TMA16: variants seen among roughly 807,000 people sequenced by gnomAD.
The protein encoded by TMA16 is translation machinery associated 16 homolog, also known as translation machinery-associated protein 16.
In TMA16, 26 loss-of-function variants were observed where a neutral mutation model predicts 27.1. The ratio of observed to expected loss-of-function variants is 0.96; its 90% CI spans 0.70 to 1.33. The LOEUF (loss-of-function observed/expected upper bound fraction) is 1.33. Among genes scored for constraint, TMA16 ranks in the 40% most tolerant of loss-of-function variants. The pLI is 0.00. For synonymous variants in TMA16, 71 were observed against 81.9 expected (o/e 0.87, Z 0.72); for missense variants, 233 against 241.4 (o/e 0.97, Z 0.23).
intron 2 of TMA16, among the ~76,000 whole-genome samples, chr4:163,508,077 C>T (rs780465380): frequency 6.6e-6 from 1 of 151,720 alleles, no homozygotes; most frequent in African/African-American, 2.4e-5. Context: ...TAAAGATTTA[C>T]TGTGATGATA....
Position 163,496,690 on chromosome 4 carries a change from T to A in TMA16, c.3+1886T>A, listed in dbSNP as rs138601139. On this transcript the variant is annotated intron_variant, in intron 1 of 6. Transcript: ENST00000358572. ...GCGGCTCATTGCAACCTCCGCCTCCTGGATTCAAGTGATTCTCCTGCCTCA... is the reference window on the plus strand; with the variant it reads ...GCGGCTCATTGCAACCTCCGCCTCCAGGATTCAAGTGATTCTCCTGCCTCA... Among the ~76,000 whole-genome samples, 214 of 152,166 alleles carry A rather than the reference T, an allele frequency of 1.4e-3. 6 individuals carry two copies. In the East Asian group the frequency reaches 0.038, roughly 27 times the overall value.
intron 1 of TMA16, among the ~76,000 whole-genome samples, chr4:163,496,393 A>T (rs1433522367): frequency 1.3e-5 from 2 of 152,204 alleles, no homozygotes; most frequent in Non-Finnish European, 2.9e-5. Flanking sequence ...TTATATAAAT[A>T]GTAACAGTGT....
chr4:163,501,705 C>G (rs758414874), intron 1 of TMA16, among the ~76,000 whole-genome samples: 60 of 152,160 alleles, frequency 3.9e-4, no homozygotes, highest in South Asian at 2.1e-4. Context: ...TTCATATTCT[C>G]TCTTTTGTTC....
intron 6 of TMA16, among the ~76,000 whole-genome samples, chr4:163,518,797 G>A (rs1426371380): frequency 6.6e-6 from 1 of 151,832 alleles, no homozygotes; most frequent in African/African-American, 2.4e-5. Flanking sequence ...ATTTTATTTT[G>A]CCTGTAATCT....
intron 6 of TMA16, among the ~76,000 whole-genome samples, chr4:163,518,109 G>A (rs992608574): frequency 1.3e-5 from 2 of 152,056 alleles, no homozygotes; most frequent in Non-Finnish European, 2.9e-5. Context: ...CACCCAGTAC[G>A]TGGTGTTTTT....
At chr4:163,507,271 A>C in intron 2 of TMA16, 126 bp downstream of exon 2, 1 of 835,172 alleles carries the variant, frequency 1.2e-6, no homozygotes, top group African/African-American at 1.7e-5. Context: ...TGTGTTCTGT[A>C]TGCAGAGGGT....
intron 1 of TMA16, among the ~76,000 whole-genome samples, chr4:163,500,162 A>G (rs1349130306): frequency 6.6e-6 from 1 of 151,826 alleles, no homozygotes; most frequent in African/African-American, 2.4e-5. Context: ...GAAATATCCT[A>G]ATTTAAATAC....
rs1465399412 is a variant in TMA16 at position 163,519,538 on chromosome 4, AAAT to A, written c.*28_*30del. 5 of 1,522,836 alleles carry A rather than the reference AAAT, an allele frequency of 3.3e-6. No homozygotes were observed. The highest frequency in any genetic ancestry group is 3.5e-6 in the Non-Finnish European group (4 of 1,143,738). 94.3% of individuals were successfully genotyped at this position (1,522,836 alleles called of 1,614,324 possible). On this transcript the variant is annotated 3_prime_UTR_variant, in exon 7 of 7. Coordinates refer to ENST00000358572, the MANE Select transcript of TMA16 (RefSeq NM_018352.3). Reference sequence around the variant, plus strand: ...AATTGTCTTCACTTGAATTGAAAATAAATAATTTGAGAGCTTCAAATTATATTC... The same window carrying A: ...AATTGTCTTCACTTGAATTGAAAATAAATTTGAGAGCTTCAAATTATATTC...
intron 1 of TMA16, among the ~76,000 whole-genome samples, chr4:163,498,812 C>T (rs1363169312): frequency 1.3e-5 from 2 of 152,142 alleles, no homozygotes; most frequent in African/African-American, 4.8e-5. Context: ...TACACAGCCT[C>T]TCCTGGCTAA....
intron 1 of TMA16, among the ~76,000 whole-genome samples, chr4:163,497,971 A>G (rs1737583280): frequency 6.6e-6 from 1 of 152,222 alleles, no homozygotes; most frequent in Non-Finnish European, 1.5e-5. Context: ...ATGTACCAGC[A>G]TATATGTATG....
chr4:163,498,286 ATTT>A (rs10608478), intron 1 of TMA16, among the ~76,000 whole-genome samples: 10 of 125,674 alleles, frequency 8.0e-5, no homozygotes, highest in Admixed American at 1.8e-4. Context: ...TGGTTAAAAG[ATTT>A]TTTTTTTTTT....
At chr4:163,513,517 T>G (rs1312510139) in intron 3 of TMA16, among the ~76,000 whole-genome samples, 1 of 152,186 alleles carries the variant, frequency 6.6e-6, no homozygotes, top group Non-Finnish European at 1.5e-5. Flanking sequence ...TGTTGGCTCT[T>G]TGGTAATATA....
chr4:163,516,858 G>A (rs138125668), intron 5 of TMA16, among the ~76,000 whole-genome samples: 8 of 151,908 alleles, frequency 5.3e-5, no homozygotes, highest in Admixed American at 3.3e-4. Context: ...CAGATTATAC[G>A]TTTGAAAACA....
intron 1 of TMA16, among the ~76,000 whole-genome samples, chr4:163,505,019 T>A (rs909388674): frequency 6.6e-6 from 1 of 152,192 alleles, no homozygotes; most frequent in African/African-American, 2.4e-5. Flanking sequence ...ACTTCTTTGA[T>A]AACCTAATCT....
chr4:163,520,081 G>T lies in TMA16; in HGVS notation c.*567G>T, dbSNP rs753140588. On this transcript the variant is annotated 3_prime_UTR_variant, in exon 7 of 7. Transcript: ENST00000358572. ...CTAAATGGTAAAAGAAAAAAAATCAGTGATGATTGTTATGTTGATCTCCCA... is the reference window on the plus strand; with the variant it reads ...CTAAATGGTAAAAGAAAAAAAATCATTGATGATTGTTATGTTGATCTCCCA... The T allele has an allele frequency of 8.2e-5, 46 of 564,054 alleles. 1 individual carries two copies. Among genetic ancestry groups the T allele is most frequent in the Middle Eastern group, 4.5e-4 (1 of 2,228 alleles). The allele number at this position is 564,054 out of a possible 1,614,324, so 34.9% of individuals were successfully genotyped here.
intron 2 of TMA16, among the ~76,000 whole-genome samples, chr4:163,511,539 G>A (rs1402918415): frequency 7.9e-5 from 12 of 152,002 alleles, no homozygotes; most frequent in Non-Finnish European, 1.3e-4. Context: ...GGCCTAGTAT[G>A]GTGGCTCATC....
intron 6 of TMA16, among the ~76,000 whole-genome samples, chr4:163,518,844 A>G (rs1014272920): frequency 3.9e-5 from 6 of 152,184 alleles, no homozygotes; most frequent in South Asian, 2.1e-4. Flanking sequence ...CTAAAACAAT[A>G]TATCTTCTAC....
chr4:163,520,288 T>C lies in TMA16; in HGVS notation c.*774T>C. 1 of 202,830 alleles carries C rather than the reference T, an allele frequency of 4.9e-6. No homozygotes were observed. The highest frequency in any genetic ancestry group is 9.8e-6 in the Non-Finnish European group (1 of 102,292). 12.6% of individuals were successfully genotyped at this position (202,830 alleles called of 1,614,324 possible). A position where few individuals can be genotyped will look rare whatever the true frequency, so the allele number is the denominator to read the frequency against. On this transcript the variant is annotated 3_prime_UTR_variant, in exon 7 of 7. Coordinates refer to ENST00000358572, the MANE Select transcript of TMA16 (RefSeq NM_018352.3). The stretch of plus-strand genomic sequence containing the variant: ...TTTTCTTCTAAGAGATAAATTGATA[T>C]ATCATTCAGTGTCATGAAAAACATG...
chr4:163,502,157 G>A (rs1737658828), intron 1 of TMA16, among the ~76,000 whole-genome samples: 3 of 152,084 alleles, frequency 2.0e-5, no homozygotes, highest in African/African-American at 7.2e-5. Context: ...GGTAAGTTTG[G>A]AATAACATAA....
Sources: gnomAD v4.1 joint callset for allele counts (sites outside exome capture counted in the v4.1 genomes callset) on GRCh38, gnomAD v4.1.1 for gene constraint, MANE v1.5 for transcripts, NCBI Gene and HGNC (gene_info 2026-07-23, HGNC 2026-07-21) for gene names.